CDK5RAP2: variants seen among roughly 807,000 people sequenced by gnomAD.
CDK5RAP2 encodes the protein CDK5 regulatory subunit-associated protein 2.
Under a neutral mutation model 232.9 loss-of-function variants are expected in CDK5RAP2, and 147 were observed. The ratio of observed to expected loss-of-function variants is 0.63; its 90% CI spans 0.55 to 0.72. CDK5RAP2 has a LOEUF of 0.72. Among genes scored for constraint, CDK5RAP2 ranks in the 30% least tolerant of loss-of-function variants. CDK5RAP2 has a pLI of 0.00. For synonymous variants in CDK5RAP2, 833 were observed against 833.7 expected (o/e 1.00, Z 0.01); for missense variants, 2,195 against 2,231.5 (o/e 0.98, Z 0.33).
chr9:120,544,704 C>G (rs1328889710), intron 5 of CDK5RAP2, among the ~76,000 whole-genome samples: 1 of 152,230 alleles, frequency 6.6e-6, no homozygotes, highest in African/African-American at 2.4e-5. Flanking sequence ...CTAGGATCCT[C>G]GGTGAGGCAA....
At chr9:120,483,143 A>G (rs916726271) in intron 14 of CDK5RAP2, among the ~76,000 whole-genome samples, 2 of 151,964 alleles carry the variant, frequency 1.3e-5, no homozygotes, top group African/African-American at 2.4e-5. Context: ...TGCAGAGAAG[A>G]CTCATCACTG....
chr9:120,458,722 T>G, intron 19 of CDK5RAP2, 100 bp from the exon 20 acceptor site: 1 of 1,069,858 alleles, frequency 9.3e-7, no homozygotes, highest in East Asian at 2.4e-5. Flanking sequence ...TAAGTGAAAA[T>G]AAGCCAGACA....
At chr9:120,464,862 T>A (rs1357481697) in intron 18 of CDK5RAP2, among the ~76,000 whole-genome samples, 1 of 152,234 alleles carries the variant, frequency 6.6e-6, no homozygotes, top group African/African-American at 2.4e-5. Flanking sequence ...TAATAACGTA[T>A]GAAGTCAAAT....
chr9:120,501,390 G>GTATTTAA (rs1244406586), intron 12 of CDK5RAP2, among the ~76,000 whole-genome samples: 1 of 152,144 alleles, frequency 6.6e-6, no homozygotes, highest in African/African-American at 2.4e-5. Flanking sequence ...TCCTAATATA[G>GTATTTAA]TATTTAATTT....
chr9:120,493,930 A>G (rs2039029353), intron 12 of CDK5RAP2, among the ~76,000 whole-genome samples: 1 of 152,188 alleles, frequency 6.6e-6, no homozygotes, highest in Non-Finnish European at 1.5e-5. Context: ...TGTCTCCATG[A>G]AAAATACAAA....
chr9:120,423,287 T>C (rs2034682068), intron 25 of CDK5RAP2, among the ~76,000 whole-genome samples: 1 of 152,236 alleles, frequency 6.6e-6, no homozygotes, highest in African/African-American at 2.4e-5. Context: ...ACCACAATTT[T>C]GCCAGTTCTC....
intron 2 of CDK5RAP2, among the ~76,000 whole-genome samples, chr9:120,570,764 A>G (rs1004104325): frequency 4.4e-4 from 67 of 151,296 alleles, no homozygotes; most frequent in Non-Finnish European, 8.4e-4. Flanking sequence ...GCTTGAACCC[A>G]CGAGGCGGAG....
At chr9:120,410,186 G>A (rs2033756054) in intron 29 of CDK5RAP2, among the ~76,000 whole-genome samples, 1 of 152,180 alleles carries the variant, frequency 6.6e-6, no homozygotes, top group African/African-American at 2.4e-5. Context: ...GTAGGTGGCA[G>A]AACCAGAATT....
rs534408879 is a variant in CDK5RAP2, at chr9:120,464,733, G to A, written c.2106+3127C>T. Among the ~76,000 whole-genome samples the A allele has an allele frequency of 5.9e-5, 9 of 152,138 alleles. No individual in the cohort carries two copies. The South Asian group carries it at 1.2e-3, about 21-fold the overall frequency. On this transcript the variant is annotated intron_variant, in intron 18 of 37. Coordinates refer to ENST00000349780, the MANE Select transcript of CDK5RAP2 (RefSeq NM_018249.6). ...ACAATTCTACACAGAGTCAGAAGAG[G>A]GTTATAGTCCCATCTCCGCCACTAG...
Position 120,439,679 on chromosome 9 carries a change from ACAAAAC to A in CDK5RAP2, c.3436_3441del (p.Val1146_Leu1147del). ...CCATCCTGGGCCCCTTCTGTCCCAC[ACAAAAC>A]TGTAATTATGGCCTCACTGCACTGG... On this transcript the variant is annotated inframe_deletion, in exon 24 of 38. Coordinates refer to ENST00000349780, the MANE Select transcript of CDK5RAP2 (RefSeq NM_018249.6). 1.2e-6 allele frequency: 2 copies of A among 1,614,238 alleles called. No homozygotes were observed. Among genetic ancestry groups the A allele is most frequent in the Non-Finnish European group, 8.5e-7 (1 of 1,180,040 alleles).
At chr9:120,483,202 T>C (rs746910876) in intron 14 of CDK5RAP2, among the ~76,000 whole-genome samples, 11 of 152,210 alleles carry the variant, frequency 7.2e-5, no homozygotes, top group Non-Finnish European at 1.3e-4. Flanking sequence ...TCCACAGCCC[T>C]TGGAGTGACC....
intron 28 of CDK5RAP2, among the ~76,000 whole-genome samples, chr9:120,414,325 G>A (rs1027613808): frequency 2.6e-5 from 4 of 152,204 alleles, no homozygotes; most frequent in South Asian, 2.1e-4. Context: ...AGACAAACTC[G>A]GGCTTTTCTG....
chr9:120,450,407 T>G (rs1328660609), intron 21 of CDK5RAP2, among the ~76,000 whole-genome samples: 1 of 152,146 alleles, frequency 6.6e-6, no homozygotes, highest in African/African-American at 2.4e-5. Context: ...AGGTTTCTTT[T>G]GGGATGATGA....
intron 3 of CDK5RAP2, among the ~76,000 whole-genome samples, chr9:120,555,316 T>A (rs575560497): frequency 2.6e-5 from 4 of 152,094 alleles, no homozygotes; most frequent in South Asian, 2.1e-4. Context: ...TATTTTTTTT[T>A]AAATAGAGAC....
At position 120,402,780 on chromosome 9, in the gene CDK5RAP2, G is replaced by A. The variant is rs2033137129; in HGVS notation, c.5307+26C>T. 2 of 1,612,926 alleles carry A rather than the reference G, an allele frequency of 1.2e-6. 1 individual carries two copies. The highest frequency in any genetic ancestry group is 2.2e-5 in the South Asian group (2 of 90,850). ...CCGACACTCCCAGGGAGCAGCTTGT[G>A]CCCCCCAGCTCTGTGGTCAGGTTAC... On this transcript the variant is annotated intron_variant, in intron 34 of 37. Transcript: ENST00000349780.
chr9:120,451,394 C>T (rs980772827), intron 21 of CDK5RAP2, among the ~76,000 whole-genome samples: 1 of 152,198 alleles, frequency 6.6e-6, no homozygotes, highest in African/African-American at 2.4e-5. Context: ...AGTCCATCCT[C>T]TTGTCTGTAA....
chr9:120,536,959 TC>T (rs754282199), intron 6 of CDK5RAP2, among the ~76,000 whole-genome samples: 19 of 145,520 alleles, frequency 1.3e-4, no homozygotes, highest in Non-Finnish European at 2.1e-4. Flanking sequence ...TTTCTGTATC[TC>T]CAAGGTGATT....
chr9:120,524,503 T>C (rs1374550295), intron 11 of CDK5RAP2, among the ~76,000 whole-genome samples: 1 of 152,042 alleles, frequency 6.6e-6, no homozygotes, highest in African/African-American at 2.4e-5. Flanking sequence ...TAGCCAGGCG[T>C]GGTGGTGGGC....
At chr9:120,538,825 C>T (rs766566763) in intron 6 of CDK5RAP2, among the ~76,000 whole-genome samples, 1 of 152,138 alleles carries the variant, frequency 6.6e-6, no homozygotes, top group Non-Finnish European at 1.5e-5. Context: ...GGATCTTACA[C>T]AGAAATGAGG....
Sources: allele counts gnomAD v4.1 joint callset (sites outside exome capture counted in the v4.1 genomes callset), GRCh38; gene constraint gnomAD v4.1.1; transcripts MANE v1.5; gene names NCBI Gene and HGNC (gene_info 2026-07-23, HGNC 2026-07-21).